The following PDE4D variants were observed in gnomAD, a reference collection of about 807,000 sequenced individuals.
The protein encoded by PDE4D is 3',5'-cyclic-AMP phosphodiesterase 4D.
In PDE4D, 24 loss-of-function variants were observed where a neutral mutation model predicts 87.4. That is an observed-to-expected ratio of 0.27 (90% CI 0.20 to 0.39). The LOEUF is 0.39. Ranked by LOEUF, PDE4D falls within the 10% of genes least tolerant of loss-of-function variation. PDE4D has a pLI of 1.00. For synonymous variants in PDE4D, 384 were observed against 383.2 expected, an observed-to-expected ratio of 1.00 and a Z score of -0.02; for missense variants, 714 against 1,041.0, an observed-to-expected ratio of 0.69 and a Z score of 4.32.
intron 1 of PDE4D, among the ~76,000 whole-genome samples, chr5:60,289,783 G>C (rs1037376832): frequency 5.9e-5 from 9 of 152,164 alleles, no homozygotes; most frequent in Non-Finnish European, 8.8e-5. Flanking sequence ...CTGTTTTATA[G>C]AGATTTTTAT....
At chr5:59,685,384 C>T (rs560250469) in intron 1 of PDE4D, among the ~76,000 whole-genome samples, 1 of 152,284 alleles carries the variant, frequency 6.6e-6, no homozygotes, top group East Asian at 1.9e-4. Flanking sequence ...TTAACTACAT[C>T]AACTCTTAGT....
intron 1 of PDE4D, among the ~76,000 whole-genome samples, chr5:59,779,015 T>A (rs968183500): frequency 6.6e-6 from 1 of 151,910 alleles, no homozygotes; most frequent in African/African-American, 2.4e-5. Context: ...ATACAAAAAT[T>A]AGCTGGGCAT....
At chr5:60,058,315 C>T (rs935576697) in intron 2 of PDE4D, among the ~76,000 whole-genome samples, 2 of 151,812 alleles carry the variant, frequency 1.3e-5, no homozygotes, top group African/African-American at 4.8e-5. Context: ...TTGTTTCTTG[C>T]ATTTGATCTG....
chr5:59,939,082 A>T (rs1756908112), intron 3 of PDE4D, among the ~76,000 whole-genome samples: 2 of 152,158 alleles, frequency 1.3e-5, no homozygotes, highest in South Asian at 4.1e-4. Context: ...GAAAATAGAC[A>T]ATATTCCAAG....
At chr5:59,104,128 A>T (rs1771191731) in intron 5 of PDE4D, among the ~76,000 whole-genome samples, 1 of 151,174 alleles carries the variant, frequency 6.6e-6, no homozygotes, top group Non-Finnish European at 1.5e-5. Flanking sequence ...CTAACAGATT[A>T]CAAACTTTTG....
intron 1 of PDE4D, among the ~76,000 whole-genome samples, chr5:60,239,987 CT>C (rs1464628013): frequency 1.3e-5 from 2 of 152,062 alleles, no homozygotes; most frequent in African/African-American, 4.8e-5. Context: ...TCATTCTTCT[CT>C]TGTTCCAGAT....
intron 3 of PDE4D, among the ~76,000 whole-genome samples, chr5:59,950,898 G>A (rs1758225044): frequency 6.6e-6 from 1 of 152,150 alleles, no homozygotes; most frequent in African/African-American, 2.4e-5. Context: ...TCTGAATAGA[G>A]CAATATCTTG....
intron 1 of PDE4D, among the ~76,000 whole-genome samples, chr5:60,297,869 C>A (rs1389030468): frequency 6.6e-6 from 1 of 152,166 alleles, no homozygotes; most frequent in African/African-American, 2.4e-5. Flanking sequence ...GAAACATCTT[C>A]AAGATGTTCC....
intron 3 of PDE4D, among the ~76,000 whole-genome samples, chr5:59,946,328 G>A (rs1757720968): frequency 6.6e-6 from 1 of 152,088 alleles, no homozygotes; most frequent in South Asian, 2.1e-4. Flanking sequence ...TGAATTACTT[G>A]GAATTAAAAC....
intron 1 of PDE4D, among the ~76,000 whole-genome samples, chr5:59,760,507 C>T (rs989280409): frequency 1.3e-5 from 2 of 152,128 alleles, no homozygotes; most frequent in African/African-American, 4.8e-5. Context: ...TACCTAATTT[C>T]GCTTATATAC....
intron 1 of PDE4D, among the ~76,000 whole-genome samples, chr5:59,792,733 T>C (rs941353355): frequency 6.6e-6 from 1 of 152,072 alleles, no homozygotes; most frequent in African/African-American, 2.4e-5. Context: ...AGAAGATGGG[T>C]TTGGCATCAT....
chr5:60,430,446 T>G (rs1341807591), intron 1 of PDE4D, among the ~76,000 whole-genome samples: 2 of 151,854 alleles, frequency 1.3e-5, no homozygotes, highest in Non-Finnish European at 2.9e-5. Flanking sequence ...CTGCCTCGCA[T>G]GCCATTCCCC....
intron 2 of PDE4D, among the ~76,000 whole-genome samples, chr5:60,071,188 G>A (rs1428035406): frequency 6.6e-6 from 1 of 151,718 alleles, no homozygotes; most frequent in Non-Finnish European, 1.5e-5. Flanking sequence ...TCCGTTTCAT[G>A]TATTTCTGCT....
chr5:60,254,782 T>C (rs1240256727), intron 1 of PDE4D, among the ~76,000 whole-genome samples: 1 of 151,918 alleles, frequency 6.6e-6, no homozygotes, highest in Admixed American at 6.6e-5. Context: ...ACCCTTTCTG[T>C]GCCTCAGGTT....
At chr5:59,077,413 C>A (rs559711010) in intron 5 of PDE4D, among the ~76,000 whole-genome samples, 3 of 151,452 alleles carry the variant, frequency 2.0e-5, no homozygotes, top group African/African-American at 7.3e-5. Flanking sequence ...GATTTGCAAG[C>A]GGCTGAAGCA....
intron 1 of PDE4D, among the ~76,000 whole-genome samples, chr5:60,459,083 TCTTTC>T (rs1187715516): frequency 2.0e-5 from 3 of 152,110 alleles, no homozygotes; most frequent in Admixed American, 1.3e-4. Flanking sequence ...CTGAGCATCA[TCTTTC>T]CTTTACAGTG....
chr5:59,210,047 A>G (rs541124513), intron 2 of PDE4D, among the ~76,000 whole-genome samples: 1 of 152,354 alleles, frequency 6.6e-6, no homozygotes, highest in South Asian at 2.1e-4. Context: ...CCCAGCTGGG[A>G]AAAACCCAGA....
chr5:59,620,676 A>G (rs1291551532), intron 1 of PDE4D, among the ~76,000 whole-genome samples: 1 of 152,192 alleles, frequency 6.6e-6, no homozygotes, highest in Non-Finnish European at 1.5e-5. Context: ...GCCCCAGTGA[A>G]ATCAGGATCT....
intron 1 of PDE4D, among the ~76,000 whole-genome samples, chr5:59,546,507 A>G (rs1817288767): frequency 6.6e-6 from 1 of 152,178 alleles, no homozygotes. Flanking sequence ...TTGGATATGA[A>G]CAGGATGGAT....
Sources: allele counts gnomAD v4.1 joint callset (sites outside exome capture counted in the v4.1 genomes callset), GRCh38; gene constraint gnomAD v4.1.1; transcripts MANE v1.5; gene names NCBI Gene and HGNC (gene_info 2026-07-23, HGNC 2026-07-21).